The following RAD23B variants were observed in gnomAD, a reference collection of about 807,000 sequenced individuals.
RAD23B encodes RAD23 nucleotide excision repair protein B, also known as lysine-specific demethylase RAD23B.
A neutral mutation model predicts 49.1 loss-of-function variants in RAD23B; 5 were observed. That is an observed-to-expected ratio of 0.10 (90% CI 0.05 to 0.21). The LOEUF is 0.21. Ranked by LOEUF, RAD23B falls within the 10% of genes least tolerant of loss-of-function variation. The probability of loss-of-function intolerance (pLI) is 1.00; values close to 1 mark genes in which losing one functional copy is unlikely to be tolerated. For missense variants in RAD23B, 356 were observed against 486.7 expected (o/e 0.73, Z 2.53); for synonymous variants, 184 against 165.4 (o/e 1.11, Z -0.86).
chr9:107,299,110 T>A (rs976150768), intron 1 of RAD23B, among the ~76,000 whole-genome samples: 2 of 152,228 alleles, frequency 1.3e-5, no homozygotes, highest in Non-Finnish European at 2.9e-5. Flanking sequence ...CCCAGAGTTT[T>A]GAGGATTGTG....
At chr9:107,312,601 G>T (rs560630680) in intron 5 of RAD23B, among the ~76,000 whole-genome samples, 2 of 152,194 alleles carry the variant, frequency 1.3e-5, no homozygotes, top group African/African-American at 4.8e-5. Flanking sequence ...GCCTGGGTGT[G>T]ACAACCCCAG....
At chr9:107,285,004 C>A in intron 1 of RAD23B, 1 of 1,237,120 alleles carries the variant, frequency 8.1e-7, no homozygotes, top group Non-Finnish European at 1.1e-6. Flanking sequence ...TTTTACTTAT[C>A]TCATTTAATC....
At chr9:107,321,857 A>T in intron 6 of RAD23B, 126 bp from the exon 7 acceptor site, 2 of 1,049,038 alleles carry the variant, frequency 1.9e-6, no homozygotes, top group Non-Finnish European at 2.6e-6. Context: ...CTTTTAATTG[A>T]AGCAGACATC....
At chr9:107,293,514 T>C (rs1322736422) in intron 1 of RAD23B, among the ~76,000 whole-genome samples, 1 of 152,208 alleles carries the variant, frequency 6.6e-6, no homozygotes, top group Non-Finnish European at 1.5e-5. Context: ...ATTAAAACTT[T>C]ACACAATTAT....
intron 9 of RAD23B, among the ~76,000 whole-genome samples, chr9:107,325,482 T>G (rs1827187560): frequency 1.3e-5 from 2 of 152,222 alleles, no homozygotes; most frequent in African/African-American, 4.8e-5. Context: ...TATTTCGAAG[T>G]ATTTTTATTC....
At chr9:107,293,985 A>G (rs7039041) in intron 1 of RAD23B, among the ~76,000 whole-genome samples, 113,218 of 152,078 alleles carry the variant, frequency 0.74, 43,114 homozygotes, top group African/African-American at 0.92. Flanking sequence ...GTGGCTCACT[A>G]TGTTGACCAG....
intron 7 of RAD23B, among the ~76,000 whole-genome samples, chr9:107,323,557 T>C (rs926592168): frequency 1.2e-4 from 18 of 152,144 alleles, no homozygotes; most frequent in African/African-American, 4.3e-4. Flanking sequence ...GAACAACTTT[T>C]AGTACTTTTT....
At chr9:107,294,350 T>C (rs1369477638) in intron 1 of RAD23B, among the ~76,000 whole-genome samples, 2 of 152,226 alleles carry the variant, frequency 1.3e-5, no homozygotes, top group Admixed American at 6.5e-5. Context: ...CCATTATTTA[T>C]GTAGTGGGAA....
chr9:107,326,620 T>C (rs1301648773), intron 9 of RAD23B, among the ~76,000 whole-genome samples: 1 of 145,572 alleles, frequency 6.9e-6, no homozygotes, highest in East Asian at 2.0e-4. Flanking sequence ...ATTCAACTTT[T>C]GTATTTCTTT....
At chr9:107,326,623 A>ATT (rs1827209300) in intron 9 of RAD23B, among the ~76,000 whole-genome samples, 2 of 86,804 alleles carry the variant, frequency 2.3e-5, no homozygotes, top group African/African-American at 4.1e-5. Flanking sequence ...CAACTTTTGT[A>ATT]TTTCTTTTTT....
chr9:107,284,225 C>T, intron 1 of RAD23B: 1 of 985,678 alleles, frequency 1.0e-6, no homozygotes, highest in Non-Finnish European at 1.2e-6. Context: ...CCTTTCCCCT[C>T]AGAATTGTTT....
chr9:107,331,316 G>C lies in RAD23B; in HGVS notation c.*1660G>C, dbSNP rs927404682. ...CCAGGAGATTGAGACCAGCCTGACC[G>C]TCATGGCGAAACCCCGTCTATACTA... On this transcript the variant is annotated 3_prime_UTR_variant, in exon 10 of 10. Transcript: ENST00000358015. 3 of 174,984 alleles carry C rather than the reference G, an allele frequency of 1.7e-5. No homozygotes were observed. The highest frequency in any genetic ancestry group is 3.6e-5 in the Non-Finnish European group (3 of 82,690). 10.8% of individuals were successfully genotyped at this position (174,984 alleles called of 1,614,324 possible).
intron 9 of RAD23B, among the ~76,000 whole-genome samples, chr9:107,326,622 T>C (rs934798953): frequency 7.2e-6 from 1 of 138,834 alleles, no homozygotes; most frequent in African/African-American, 2.7e-5. Flanking sequence ...TCAACTTTTG[T>C]ATTTCTTTTT....
At position 107,311,677 on chromosome 9, in the gene RAD23B, T is replaced by TGTA. The variant is rs1482750504; in HGVS notation, c.498-1_499dup. ...AAATGTGATTTTTCTAAAATCCTTTTGTAGTACATCGGGTGATTCTTCTCG... is the reference window on the plus strand; with the variant it reads ...AAATGTGATTTTTCTAAAATCCTTTTGTAGTAGTACATCGGGTGATTCTTCTCG... On this transcript the variant is annotated splice_region_variant and splice_polypyrimidine_tract_variant and intron_variant, in intron 4 of 9. Coordinates refer to ENST00000358015, the MANE Select transcript of RAD23B (RefSeq NM_002874.5). 1.3e-6 allele frequency: 2 copies of TGTA among 1,573,260 alleles called. No homozygotes were observed. The highest frequency in any genetic ancestry group is 2.8e-5 in the African/African-American group (2 of 72,396).
At position 107,298,474 on chromosome 9, in the gene RAD23B, A is replaced by ATTTTTTTTTTTTT. The variant is rs35923233; in HGVS notation, c.67-1651_67-1639dup. Among the ~76,000 whole-genome samples the ATTTTTTTTTTTTT allele has an allele frequency of 7.5e-5, 4 of 53,124 alleles. 1 individual carries two copies. Among genetic ancestry groups the ATTTTTTTTTTTTT allele is most frequent in the African/African-American group, 2.1e-4 (2 of 9,698 alleles). The allele number at this position is 53,124 out of a possible 152,430, so 34.9% of individuals were successfully genotyped here. On this transcript the variant is annotated intron_variant, in intron 1 of 9. Transcript: ENST00000358015. ...AGGCATTTACCGCCATGCTTGGCTA[A>ATTTTTTTTTTTTT]TTTTTTTTTTTTTTTTTTTTTTTTT...
At chr9:107,327,495 T>C (rs1827229999) in intron 9 of RAD23B, among the ~76,000 whole-genome samples, 1 of 152,220 alleles carries the variant, frequency 6.6e-6, no homozygotes, top group Non-Finnish European at 1.5e-5. Flanking sequence ...CAAAATGTTT[T>C]TTAATTTCCC....
chr9:107,306,059 A>ATATAGATATATATAAATATG (rs1196952943), intron 3 of RAD23B, among the ~76,000 whole-genome samples: 30 of 114,830 alleles, frequency 2.6e-4, no homozygotes, highest in Non-Finnish European at 4.7e-4. Flanking sequence ...ATCTATATAT[A>ATATAGATATATATAAATATG]TATATATATA....
chr9:107,329,766 TAGA>T lies in RAD23B; in HGVS notation c.*111_*113del. The T allele has an allele frequency of 1.8e-6, 1 of 566,858 alleles. No individual in the cohort carries two copies. Among genetic ancestry groups the T allele is most frequent in the East Asian group, 3.0e-5 (1 of 33,534 alleles). 35.1% of individuals were successfully genotyped at this position (566,858 alleles called of 1,614,324 possible). Reference sequence around the variant, plus strand: ...ATCCACAATACTTGGTATAAGGTAGTAGATTGTTGGGGGTGGGGAGGGAGGGAT... The same window carrying T: ...ATCCACAATACTTGGTATAAGGTAGTTTGTTGGGGGTGGGGAGGGAGGGAT... On this transcript the variant is annotated 3_prime_UTR_variant, in exon 10 of 10. Transcript: ENST00000358015.
At chr9:107,300,371 A>G in intron 2 of RAD23B, 149 bp downstream of exon 2, 1 of 937,700 alleles carries the variant, frequency 1.1e-6, no homozygotes, top group Non-Finnish European at 1.5e-6. Flanking sequence ...TGAATCTAAT[A>G]TTAATATTCA....
Sources: allele counts gnomAD v4.1 joint callset (sites outside exome capture counted in the v4.1 genomes callset), GRCh38; gene constraint gnomAD v4.1.1; transcripts MANE v1.5; gene names NCBI Gene and HGNC (gene_info 2026-07-23, HGNC 2026-07-21).